INPP4B: variants seen among roughly 807,000 people sequenced by gnomAD.
INPP4B encodes the protein inositol polyphosphate-4-phosphatase type II B.
In INPP4B, 55 loss-of-function variants were observed where a neutral mutation model predicts 122.5. The observed-to-expected ratio is 0.45, with a 90% CI of 0.36 to 0.56. The LOEUF (loss-of-function observed/expected upper bound fraction) is 0.56, where lower values mean the gene tolerates loss of function less well. INPP4B is among the 20% of genes least tolerant of loss of function. The probability of loss-of-function intolerance (pLI) is 0.00; values close to 1 mark genes in which losing one functional copy is unlikely to be tolerated. For synonymous variants in INPP4B, 403 were observed against 388.7 expected (o/e 1.04, Z -0.43); for missense variants, 1,000 against 1,097.7 (o/e 0.91, Z 1.26).
intron 8 of INPP4B, among the ~76,000 whole-genome samples, chr4:142,310,189 G>A (rs1187773061): frequency 6.6e-6 from 1 of 151,728 alleles, no homozygotes; most frequent in African/African-American, 2.4e-5. Context: ...ATTCTCCAGA[G>A]CTGTGCTATC....
intron 12 of INPP4B, among the ~76,000 whole-genome samples, chr4:142,212,915 C>G (rs150326316): frequency 1.1e-4 from 17 of 152,288 alleles, no homozygotes; most frequent in African/African-American, 3.8e-4. Flanking sequence ...TCCTAGAAGG[C>G]AGTACCTCAA....
intron 1 of INPP4B, among the ~76,000 whole-genome samples, chr4:142,755,983 A>C (rs17016749): frequency 0.081 from 12,321 of 151,862 alleles, 582 homozygotes; most frequent in Middle Eastern, 0.13. Context: ...GGTATCAAAT[A>C]CTCCAATGGC....
chr4:142,182,086 T>C (rs997095334), intron 15 of INPP4B, among the ~76,000 whole-genome samples: 1 of 152,088 alleles, frequency 6.6e-6, no homozygotes, highest in African/African-American at 2.4e-5. Flanking sequence ...TGCTTGAGGG[T>C]AAATGAGTAT....
At chr4:142,436,313 T>C (rs1415064233) in intron 3 of INPP4B, among the ~76,000 whole-genome samples, 3 of 152,154 alleles carry the variant, frequency 2.0e-5, no homozygotes, top group Non-Finnish European at 4.4e-5. Context: ...ACCAGCAGAC[T>C]TAGTCTTTCC....
intron 17 of INPP4B, among the ~76,000 whole-genome samples, chr4:142,153,208 C>A (rs1244236269): frequency 6.6e-6 from 1 of 152,134 alleles, no homozygotes; most frequent in Non-Finnish European, 1.5e-5. Context: ...TAGATACTTG[C>A]ACAACTGGCT....
At chr4:142,628,141 G>A (rs1223496656) in intron 2 of INPP4B, among the ~76,000 whole-genome samples, 1 of 150,802 alleles carries the variant, frequency 6.6e-6, no homozygotes, top group Non-Finnish European at 1.5e-5. Context: ...ATTCACAATA[G>A]CAAAGACTTG....
rs527455736 is a variant in INPP4B at position 142,416,337 on chromosome 4, G to C, written c.137-11013C>G. ...TTCCCATACAACACACTGACTCATG[G>C]TCTGGGTTTTACCAAATCCTGAGCA... On this transcript the variant is annotated intron_variant, in intron 5 of 25. Transcript: ENST00000262992. Among the ~76,000 whole-genome samples, 9 of 152,200 alleles carry C rather than the reference G, an allele frequency of 5.9e-5. No homozygotes were observed. In the East Asian group the frequency reaches 1.7e-3, roughly 30 times the overall value.
intron 2 of INPP4B, among the ~76,000 whole-genome samples, chr4:142,598,069 A>G (rs1011793263): frequency 5.3e-5 from 8 of 152,242 alleles, no homozygotes; most frequent in Admixed American, 3.9e-4. Flanking sequence ...TACCATGAAT[A>G]GAACACCTAG....
At chr4:142,521,098 C>T (rs1373626129) in intron 2 of INPP4B, among the ~76,000 whole-genome samples, 1 of 151,074 alleles carries the variant, frequency 6.6e-6, no homozygotes, top group Non-Finnish European at 1.5e-5. Context: ...ATATGTCTAC[C>T]TAAAAGGGAA....
At chr4:142,467,426 G>A (rs1184211097) in intron 2 of INPP4B, among the ~76,000 whole-genome samples, 1 of 152,170 alleles carries the variant, frequency 6.6e-6, no homozygotes, top group Non-Finnish European at 1.5e-5. Flanking sequence ...TCTGACTTGT[G>A]TGGGGCCTAT....
At chr4:142,526,178 T>C (rs1268183247) in intron 2 of INPP4B, among the ~76,000 whole-genome samples, 3 of 152,060 alleles carry the variant, frequency 2.0e-5, no homozygotes, top group Non-Finnish European at 4.4e-5. Context: ...TGACTTCCCT[T>C]TCTGGCACCA....
rs893449134 is a variant in INPP4B, at chr4:142,077,702, A to C, written c.2642+4329T>G. Among the ~76,000 whole-genome samples the C allele has an allele frequency of 6.9e-4, 105 of 151,820 alleles. 2 individuals carry two copies. Among genetic ancestry groups the C allele is most frequent in the East Asian group, 3.7e-3 (19 of 5,156 alleles). ...TATTCTCCCTTTCTTAAAAAAAAAA[A>C]CCTGCAAATTATTAAGCCACCTTTG... On this transcript the variant is annotated intron_variant, in intron 25 of 25. Transcript: ENST00000262992.
chr4:142,666,489 CAAATA>C (rs1370787504), intron 2 of INPP4B, among the ~76,000 whole-genome samples: 1 of 151,794 alleles, frequency 6.6e-6, no homozygotes, highest in Non-Finnish European at 1.5e-5. Flanking sequence ...TATTATACGG[CAAATA>C]AAATCAGATT....
chr4:142,429,288 T>C, intron 4 of INPP4B, 71 bp from the exon 5 acceptor site: 1 of 777,784 alleles, frequency 1.3e-6, no homozygotes, highest in South Asian at 1.7e-5. Flanking sequence ...TATATATTAC[T>C]ATGCTTCATT....
intron 2 of INPP4B, among the ~76,000 whole-genome samples, chr4:142,544,137 G>GTGTGTGTGTGTT (rs1829274955): frequency 1.3e-5 from 2 of 149,154 alleles, no homozygotes; most frequent in South Asian, 4.4e-4. Flanking sequence ...TGTGGTGTGT[G>GTGTGTGTGTGTT]TGTGTGTGTG....
chr4:142,176,052 T>C (rs2152958383), intron 15 of INPP4B, among the ~76,000 whole-genome samples: 1 of 151,730 alleles, frequency 6.6e-6, no homozygotes, highest in South Asian at 2.1e-4. Flanking sequence ...GGCTTAGCCT[T>C]TGGAAAGCTA....
At chr4:142,499,737 C>T (rs76131757) in intron 2 of INPP4B, among the ~76,000 whole-genome samples, 2,189 of 152,234 alleles carry the variant, frequency 0.014, 111 homozygotes, top group Admixed American at 0.092. Context: ...ATACCAATTA[C>T]TAATTCAATA....
At chr4:142,042,110 T>C (rs1160481273) in intron 25 of INPP4B, among the ~76,000 whole-genome samples, 1 of 152,222 alleles carries the variant, frequency 6.6e-6, no homozygotes, top group Non-Finnish European at 1.5e-5. Context: ...GCCTGTCATC[T>C]ACCGTCACTT....
chr4:142,227,892 A>G (rs1208933248), intron 12 of INPP4B, among the ~76,000 whole-genome samples: 1 of 150,300 alleles, frequency 6.7e-6, no homozygotes, highest in African/African-American at 2.4e-5. Flanking sequence ...AAAAAAAATT[A>G]AACAGTATGT....
Sources: gnomAD v4.1 joint callset for allele counts (sites outside exome capture counted in the v4.1 genomes callset) on GRCh38, gnomAD v4.1.1 for gene constraint, MANE v1.5 for transcripts, NCBI Gene and HGNC (gene_info 2026-07-23, HGNC 2026-07-21) for gene names.